EPHB1: variants seen among roughly 807,000 people sequenced by gnomAD.
EPHB1 encodes ephrin type-B receptor 1.
EPHB1 carries 30 observed loss-of-function variants against 94.4 expected under a neutral mutation model. That is an observed-to-expected ratio of 0.32 (90% CI 0.24 to 0.43). The LOEUF (loss-of-function observed/expected upper bound fraction) is 0.43. EPHB1 is among the 20% of genes least tolerant of loss of function. The pLI is 1.00. For missense variants in EPHB1, 1,055 were observed against 1,308.3 expected (o/e 0.81, Z 2.99); for synonymous variants, 522 against 489.1 (o/e 1.07, Z -0.89).
intron 6 of EPHB1, among the ~76,000 whole-genome samples, chr3:135,158,385 C>G (rs1484450228): frequency 6.6e-6 from 1 of 152,152 alleles, no homozygotes; most frequent in East Asian, 1.9e-4. Context: ...GTTTTTGCCC[C>G]AACTGCTATA....
intron 1 of EPHB1, among the ~76,000 whole-genome samples, chr3:134,844,389 C>T (rs998481288): frequency 6.6e-6 from 1 of 152,172 alleles, no homozygotes; most frequent in African/African-American, 2.4e-5. Context: ...GCAAGCGTAG[C>T]CTTAGGGCTG....
chr3:135,099,314 TGGATGGAC>T (rs1375862664), intron 3 of EPHB1, among the ~76,000 whole-genome samples: 26 of 21,018 alleles, frequency 1.2e-3, no homozygotes, highest in East Asian at 0.056. Context: ...GATGGATGGA[TGGATGGAC>T]GGATGGATGG....
chr3:135,030,912 A>G (rs1465844425), intron 3 of EPHB1, among the ~76,000 whole-genome samples: 4 of 152,172 alleles, frequency 2.6e-5, no homozygotes, highest in Non-Finnish European at 4.4e-5. Context: ...CAGGTGCGGC[A>G]TGTAATCTCG....
intron 1 of EPHB1, among the ~76,000 whole-genome samples, chr3:134,898,823 C>A (rs1455383863): frequency 6.6e-6 from 1 of 152,174 alleles, no homozygotes; most frequent in Non-Finnish European, 1.5e-5. Flanking sequence ...TGGGAAGCAC[C>A]TTGACATTTT....
chr3:135,048,022 G>T (rs1369032812), intron 3 of EPHB1, among the ~76,000 whole-genome samples: 2 of 152,112 alleles, frequency 1.3e-5, no homozygotes, highest in African/African-American at 2.4e-5. Flanking sequence ...GGAGAGAGCA[G>T]ATATTGACCA....
At chr3:135,246,523 G>A (rs571735351) in intron 13 of EPHB1, among the ~76,000 whole-genome samples, 1 of 152,090 alleles carries the variant, frequency 6.6e-6, no homozygotes, top group African/African-American at 2.4e-5. Context: ...TAGGAAATAC[G>A]GCTTTTGAAG....
intron 2 of EPHB1, among the ~76,000 whole-genome samples, chr3:134,937,641 A>C (rs987431758): frequency 6.6e-6 from 1 of 152,322 alleles, no homozygotes; most frequent in East Asian, 1.9e-4. Flanking sequence ...AATCCCGCCA[A>C]GCTGAAGGGA....
At chr3:135,241,987 T>A (rs9874828) in intron 13 of EPHB1, among the ~76,000 whole-genome samples, 53,219 of 152,018 alleles carry the variant, frequency 0.35, 9,369 homozygotes, top group South Asian at 0.44. Flanking sequence ...AAGGAAGAGA[T>A]GGGTCATCTA....
At chr3:134,853,633 A>G (rs1175596063) in intron 1 of EPHB1, among the ~76,000 whole-genome samples, 1 of 152,192 alleles carries the variant, frequency 6.6e-6, no homozygotes, top group Non-Finnish European at 1.5e-5. Context: ...ATGGATCTGG[A>G]GCTCGGAGGA....
At chr3:134,887,249 C>G (rs1036034775) in intron 1 of EPHB1, among the ~76,000 whole-genome samples, 2 of 152,176 alleles carry the variant, frequency 1.3e-5, no homozygotes, top group African/African-American at 4.8e-5. Context: ...ATGTGATCAT[C>G]ATCTTCTAGT....
At chr3:135,036,597 C>T (rs1000827127) in intron 3 of EPHB1, among the ~76,000 whole-genome samples, 3 of 152,182 alleles carry the variant, frequency 2.0e-5, no homozygotes, top group African/African-American at 7.2e-5. Context: ...GAGGGTCCTC[C>T]TAACTCAGCC....
intron 3 of EPHB1, among the ~76,000 whole-genome samples, chr3:134,959,305 C>T (rs1303962935): frequency 6.6e-6 from 1 of 152,148 alleles, no homozygotes; most frequent in African/African-American, 2.4e-5. Context: ...GAGAGGGGTC[C>T]GCCAGGAGCA....
At chr3:135,125,946 C>T (rs1406567683) in intron 4 of EPHB1, among the ~76,000 whole-genome samples, 2 of 152,130 alleles carry the variant, frequency 1.3e-5, no homozygotes, top group Non-Finnish European at 2.9e-5. Flanking sequence ...TTCTCCAGGG[C>T]GCCTTCCAAT....
chr3:135,040,256 A>C (rs1433092168), intron 3 of EPHB1, among the ~76,000 whole-genome samples: 2 of 152,232 alleles, frequency 1.3e-5, no homozygotes, highest in Non-Finnish European at 2.9e-5. Flanking sequence ...AGGAGATTCG[A>C]GATACATACA....
chr3:135,179,847 C>A lies in EPHB1; in HGVS notation c.1760-13C>A. On this transcript the variant is annotated splice_polypyrimidine_tract_variant and intron_variant, in intron 9 of 15. Transcript: ENST00000398015. ...TCTTTGGGATGTTAACCCTGCTTATCTCCTCCAACAAGGCTCCCCAGGGAT... is the reference window on the plus strand; with the variant it reads ...TCTTTGGGATGTTAACCCTGCTTATATCCTCCAACAAGGCTCCCCAGGGAT... The A allele has an allele frequency of 6.2e-7, 1 of 1,613,626 alleles. No individual in the cohort carries two copies. The highest frequency in any genetic ancestry group is 1.7e-4 in the Middle Eastern group (1 of 6,048).
intron 12 of EPHB1, among the ~76,000 whole-genome samples, chr3:135,223,980 G>A (rs113786615): frequency 1.8e-4 from 28 of 152,184 alleles, no homozygotes; most frequent in African/African-American, 6.5e-4. Flanking sequence ...TTTGGTCAGC[G>A]ACAAATCACA....
At chr3:135,034,668 T>G (rs1270979208) in intron 3 of EPHB1, among the ~76,000 whole-genome samples, 1 of 152,258 alleles carries the variant, frequency 6.6e-6, no homozygotes, top group Admixed American at 6.5e-5. Context: ...GGACAAGTCC[T>G]GCCATGTGGC....
chr3:134,950,128 G>A (rs1982548), intron 2 of EPHB1, among the ~76,000 whole-genome samples: 75,642 of 152,082 alleles, frequency 0.5, 19,695 homozygotes, highest in African/African-American at 0.64. Context: ...AATAATACCT[G>A]GTTCTGAAAG....
chr3:135,093,617 G>C (rs1373852334), intron 3 of EPHB1, among the ~76,000 whole-genome samples: 6 of 151,822 alleles, frequency 4.0e-5, no homozygotes, highest in African/African-American at 1.5e-4. Context: ...AGGTATTCGG[G>C]AAGCTATGGT....
Sources: gnomAD v4.1 joint callset for allele counts (sites outside exome capture counted in the v4.1 genomes callset) on GRCh38, gnomAD v4.1.1 for gene constraint, MANE v1.5 for transcripts, NCBI Gene and HGNC (gene_info 2026-07-23, HGNC 2026-07-21) for gene names.